Variants in SPN observed in about 807,000 individuals in gnomAD.
SPN encodes the protein leukosialin.
In SPN, 6 loss-of-function variants were observed where a neutral mutation model predicts 8.4. That is an observed-to-expected ratio of 0.72 (90% CI 0.39 to 1.42). The LOEUF is 1.42. SPN is among the 40% of genes most tolerant of loss of function. SPN has a pLI of 0.02. For synonymous variants in SPN, 201 were observed against 222.6 expected (o/e 0.90, Z 0.86); for missense variants, 517 against 530.6 (o/e 0.97, Z 0.25).
rs919676658 is a variant in SPN, at chr16:29,667,171, T to G, written c.*2240T>G. 1.0e-5 allele frequency: 4 copies of G among 383,132 alleles called. No individual in the cohort carries two copies. The highest frequency in any genetic ancestry group is 1.0e-4 in the Admixed American group (3 of 29,034). 23.7% of individuals were successfully genotyped at this position (383,132 alleles called of 1,614,324 possible). ...ACCCACTGGGCTGCATCTGGTGGCC[T>G]TTTCTGATTGCTATTTGGACTCACT... On this transcript the variant is annotated 3_prime_UTR_variant, in exon 2 of 2. Transcript: ENST00000652691.
chr16:29,665,047 C>A lies in SPN; in HGVS notation c.*116C>A. The A allele has an allele frequency of 8.7e-7, 1 of 1,151,062 alleles. No homozygotes were observed. Among genetic ancestry groups the A allele is most frequent in the Non-Finnish European group, 1.1e-6 (1 of 899,492 alleles). 71.3% of individuals were successfully genotyped at this position (1,151,062 alleles called of 1,614,324 possible). A position where few individuals can be genotyped will look rare whatever the true frequency, so the allele number is the denominator to read the frequency against. On this transcript the variant is annotated 3_prime_UTR_variant, in exon 2 of 2. Transcript: ENST00000652691. ...TTTCCACCCGGCACCCTGATCCTCA[C>A]CCGAATCTCCTTTTTTTTTTTCTTT...
chr16:29,664,527 G>T lies in SPN; in HGVS notation c.799G>T (p.Val267Phe), dbSNP rs1348489341. 1 of 1,614,044 alleles carries T rather than the reference G, an allele frequency of 6.2e-7. No homozygotes were observed. The highest frequency in any genetic ancestry group is 8.5e-7 in the Non-Finnish European group (1 of 1,179,988). The change falls in exon 2 of 2, where the codon GTC becomes TTC. Residue 267 changes from valine (V) to phenylalanine (F), a missense_variant. By Grantham distance (50) the Val-to-Phe change is conservative (BLOSUM62 -1). Coordinates refer to ENST00000652691, the MANE Select transcript of SPN (RefSeq NM_003123.6). This position sits in a 1 kb window ranked among gnomAD's most constrained non-coding sequence, Gnocchi z 6.4. ...GGCTGTGCTTGTGGCCCTGCTGGCG[G>T]TCATAGTCCTCGTGGCTCTGCTCCT... ...PVAVLVALLA[V>F]IVLVALLLLW...
chr16:29,664,083 C>G lies in SPN; in HGVS notation c.355C>G (p.Pro119Ala). 1 of 1,614,060 alleles carries G rather than the reference C, an allele frequency of 6.2e-7. No individual in the cohort carries two copies. Among genetic ancestry groups the G allele is most frequent in the Non-Finnish European group, 8.5e-7 (1 of 1,180,004 alleles). ...TCATGCAACCAGTCATCCTGCTGTT[C>G]CCATAACAGCAAACTCTCTAGGATC... Reference protein sequence around the residue: ...TPHATSHPAVPITANSLGSHT... With the variant: ...TPHATSHPAVAITANSLGSHT... The change falls in exon 2 of 2, where the codon CCC becomes GCC. Residue 119 changes from proline to alanine, a missense_variant. By Grantham distance (27) the Pro-to-Ala change is conservative (BLOSUM62 -1). Coordinates refer to ENST00000652691, the MANE Select transcript of SPN (RefSeq NM_003123.6). The surrounding 1 kb of genome is among the most constrained non-coding windows in gnomAD (Gnocchi z 6.4).
chr16:29,666,552 A>ACGCGCGCGCGCGCG lies in SPN; in HGVS notation c.*1625_*1638dup, dbSNP rs1555490176. ...CACACACACACACACACACACACAC[A>ACGCGCGCGCGCGCG]CGCGCGCGCGCGCGCGCTCTCCTGC... On this transcript the variant is annotated 3_prime_UTR_variant, in exon 2 of 2. Transcript: ENST00000652691. The ACGCGCGCGCGCGCG allele has an allele frequency of 8.1e-5, 12 of 148,966 alleles. No individual in the cohort carries two copies. In the East Asian group the frequency reaches 1.6e-3, roughly 20 times the overall value. The allele number at this position is 148,966 out of a possible 1,614,324, so 9.2% of individuals were successfully genotyped here. A position where few individuals can be genotyped will look rare whatever the true frequency, so the allele number is the denominator to read the frequency against.
In SPN at chr16:29,663,645, G is replaced by T; in HGVS notation, c.-34-50G>T. 1 of 1,505,192 alleles carries T rather than the reference G, an allele frequency of 6.6e-7. No individual in the cohort carries two copies. Among genetic ancestry groups the T allele is most frequent in the Non-Finnish European group, 8.8e-7 (1 of 1,132,654 alleles). The allele number at this position is 1,505,192 out of a possible 1,614,324, so 93.2% of individuals were successfully genotyped here. A position where few individuals can be genotyped will look rare whatever the true frequency, so the allele number is the denominator to read the frequency against. ...GTGGGCAGAGGGGAGGCCCGGCCAGGTCCTCCGGCAACTCCCGCGTGTTCT... is the reference window on the plus strand; with the variant it reads ...GTGGGCAGAGGGGAGGCCCGGCCAGTTCCTCCGGCAACTCCCGCGTGTTCT... On this transcript the variant is annotated intron_variant, in intron 1 of 1. Coordinates refer to ENST00000652691, the MANE Select transcript of SPN (RefSeq NM_003123.6). This position sits in a 1 kb window ranked among gnomAD's most constrained non-coding sequence, Gnocchi z 4.3.
Position 29,663,607 on chromosome 16 carries a change from C to T in SPN, c.-34-88C>T, listed in dbSNP as rs11574555. The T allele has an allele frequency of 7.0e-5, 98 of 1,395,264 alleles. No homozygotes were observed. The East Asian group carries it at 8.9e-4, about 13-fold the overall frequency. 86.4% of individuals were successfully genotyped at this position (1,395,264 alleles called of 1,614,324 possible). On this transcript the variant is annotated intron_variant, in intron 1 of 1. Transcript: ENST00000652691. The surrounding 1 kb of genome is among the most constrained non-coding windows in gnomAD (Gnocchi z 4.3). ...CGTTAAACCGCAGGTTGGGCCTGGC[C>T]GTTGGCAGGGAAGTGGGCAGAGGGG...
chr16:29,663,715 C>T lies in SPN; in HGVS notation c.-14C>T. On this transcript the variant is annotated 5_prime_UTR_variant, in exon 2 of 2. Transcript: ENST00000652691. The surrounding 1 kb of genome is among the most constrained non-coding windows in gnomAD (Gnocchi z 4.3). ...TGCAGGTCCCAGCTCTTGCTCCTGC[C>T]TGTTTGCCTGGAAATGGCCACGCTT... 1.3e-6 allele frequency: 2 copies of T among 1,544,176 alleles called. No homozygotes were observed. The highest frequency in any genetic ancestry group is 1.7e-6 in the Non-Finnish European group (2 of 1,148,402).
rs879070450 is a variant in SPN, at chr16:29,667,113, G to A, written c.*2182G>A. On this transcript the variant is annotated 3_prime_UTR_variant, in exon 2 of 2. Transcript: ENST00000652691. Reference sequence around the variant, plus strand: ...TTAGTGGGTGGGAAGAGCTGAGCTCGGATGGAACCAGCTTCTACCAGCCAG... The same window carrying A: ...TTAGTGGGTGGGAAGAGCTGAGCTCAGATGGAACCAGCTTCTACCAGCCAG... 1.3e-4 allele frequency: 59 copies of A among 448,940 alleles called. No homozygotes were observed. Among genetic ancestry groups the A allele is most frequent in the South Asian group, 7.0e-4 (44 of 62,936 alleles). 27.8% of individuals were successfully genotyped at this position (448,940 alleles called of 1,614,324 possible).
In SPN at chr16:29,663,788, C is replaced by A. The variant is rs372353292; in HGVS notation, c.60C>A (p.Ser20Arg). 6.2e-7 allele frequency: 1 copy of A among 1,612,304 alleles called. No individual in the cohort carries two copies. The highest frequency in any genetic ancestry group is 8.5e-7 in the Non-Finnish European group (1 of 1,179,394). ...TGGTAAGCCCAGACGCTCTGGGGAG[C>A]ACAACAGCAGTGCAGACACCCACCT... ...VLVVSPDALG[S>R]TTAVQTPTSG... Residue 20 changes from serine (S) to arginine (R), a missense_variant, in exon 2 of 2, where the codon AGC becomes AGA. Coordinates refer to ENST00000652691, the MANE Select transcript of SPN (RefSeq NM_003123.6). The surrounding 1 kb of genome is among the most constrained non-coding windows in gnomAD (Gnocchi z 4.3).
rs75737897 is a variant in SPN, at chr16:29,664,376, C to T, written c.648C>T (p.Ser216=). ...TMTTGSLEPS[S]GASGPQVSSV... ...CAACTGGCTCTCTGGAGCCCTCCAG[C>T]GGGGCCAGTGGACCCCAGGTCTCTA... is the stretch of plus-strand genomic sequence containing the variant. The change falls in exon 2 of 2, where the codon AGC becomes AGT. Residue 216 remains serine, a synonymous_variant. Transcript: ENST00000652691. This position sits in a 1 kb window ranked among gnomAD's most constrained non-coding sequence, Gnocchi z 6.4. The T allele has an allele frequency of 1.1e-3, 1,720 of 1,613,550 alleles. 13 individuals are homozygous for T. In the African/African-American group the frequency reaches 0.02, roughly 19 times the overall value.
chr16:29,664,649 C>T lies in SPN; in HGVS notation c.921C>T (p.Ala307=). The part of the protein sequence containing the change: ...NGVVDAWAGP[A]QVPEEGAVTV... ...TGGTGGACGCCTGGGCTGGGCCAGCCCAGGTCCCTGAGGAGGGGGCCGTGA... is the reference window on the plus strand; with the variant it reads ...TGGTGGACGCCTGGGCTGGGCCAGCTCAGGTCCCTGAGGAGGGGGCCGTGA... The change falls in exon 2 of 2, where the codon GCC becomes GCT. Residue 307 remains alanine, a synonymous_variant. Coordinates refer to ENST00000652691, the MANE Select transcript of SPN (RefSeq NM_003123.6). The surrounding 1 kb of genome is among the most constrained non-coding windows in gnomAD (Gnocchi z 6.4). 1 of 1,546,244 alleles carries T rather than the reference C, an allele frequency of 6.5e-7. No homozygotes were observed. Among genetic ancestry groups the T allele is most frequent in the Non-Finnish European group, 8.7e-7 (1 of 1,149,356 alleles).
Position 29,665,044 on chromosome 16 carries a change from T to G in SPN, c.*113T>G. The stretch of plus-strand genomic sequence containing the variant: ...ATGTTTCCACCCGGCACCCTGATCC[T>G]CACCCGAATCTCCTTTTTTTTTTTC... On this transcript the variant is annotated 3_prime_UTR_variant, in exon 2 of 2. Transcript: ENST00000652691. 2 of 1,147,176 alleles carry G rather than the reference T, an allele frequency of 1.7e-6. No individual in the cohort carries two copies. Among genetic ancestry groups the G allele is most frequent in the Non-Finnish European group, 2.2e-6 (2 of 897,100 alleles). The allele number at this position is 1,147,176 out of a possible 1,614,324, so 71.1% of individuals were successfully genotyped here.
Position 29,666,686 on chromosome 16 carries a change from C to G in SPN, c.*1755C>G, listed in dbSNP as rs966559387. 1 of 341,720 alleles carries G rather than the reference C, an allele frequency of 2.9e-6. No homozygotes were observed. 21.2% of individuals were successfully genotyped at this position (341,720 alleles called of 1,614,324 possible). The stretch of plus-strand genomic sequence containing the variant: ...AGTTTGTCTGTGTCTCCTCTTCCAT[C>G]CCAGGGGCTGAGCCCCTTCCATCCT... On this transcript the variant is annotated 3_prime_UTR_variant, in exon 2 of 2. Transcript: ENST00000652691.
Position 29,664,179 on chromosome 16 carries a change from G to GT in SPN, c.453dup (p.Thr152TyrfsTer5). 1 of 1,613,898 alleles carries GT rather than the reference G, an allele frequency of 6.2e-7. No homozygotes were observed. Among genetic ancestry groups the GT allele is most frequent in the Non-Finnish European group, 8.5e-7 (1 of 1,179,960 alleles). ...CTCCAGTAGGACCAGTGGAGCCCCT[G>GT]TTACCACGGCAGCTAGCTCTCTGGA... On this transcript the variant is annotated frameshift_variant, in exon 2 of 2. Transcript: ENST00000652691. LOFTEE classifies it high-confidence loss of function. This position sits in a 1 kb window ranked among gnomAD's most constrained non-coding sequence, Gnocchi z 6.4.
rs1966823861 is a variant in SPN at position 29,666,858 on chromosome 16, A to G, written c.*1927A>G. ...CCCAGGAGCACACATGGGCCAGGGC[A>G]GTTGGTATTTCCCGAGGACAAAGAG... On this transcript the variant is annotated 3_prime_UTR_variant, in exon 2 of 2. Transcript: ENST00000652691. The G allele has an allele frequency of 2.1e-6, 1 of 470,298 alleles. No individual in the cohort carries two copies. The highest frequency in any genetic ancestry group is 2.0e-5 in the African/African-American group (1 of 50,094). 29.1% of individuals were successfully genotyped at this position (470,298 alleles called of 1,614,324 possible). A position where few individuals can be genotyped will look rare whatever the true frequency, so the allele number is the denominator to read the frequency against.
rs1402481317 is a variant in SPN, at chr16:29,665,218, C to A, written c.*287C>A. Reference sequence around the variant, plus strand: ...TACAGGCACCCACCACCATGCCCAGCTGCTTTTTTGTATTTTTGGTAGAGA... The same window carrying A: ...TACAGGCACCCACCACCATGCCCAGATGCTTTTTTGTATTTTTGGTAGAGA... On this transcript the variant is annotated 3_prime_UTR_variant, in exon 2 of 2. Transcript: ENST00000652691. 3.1e-6 allele frequency: 1 copy of A among 318,768 alleles called. No homozygotes were observed. The highest frequency in any genetic ancestry group is 2.1e-5 in the African/African-American group (1 of 46,750). The allele number at this position is 318,768 out of a possible 1,614,324, so 19.7% of individuals were successfully genotyped here.
chr16:29,663,602 CTGGCCGTTGGCAGGGAAG>C lies in SPN; in HGVS notation c.-34-89_-34-72del. On this transcript the variant is annotated intron_variant, in intron 1 of 1. Coordinates refer to ENST00000652691, the MANE Select transcript of SPN (RefSeq NM_003123.6). This position sits in a 1 kb window ranked among gnomAD's most constrained non-coding sequence, Gnocchi z 4.3. ...AAAACCGTTAAACCGCAGGTTGGGC[CTGGCCGTTGGCAGGGAAG>C]TGGGCAGAGGGGAGGCCCGGCCAGG... The C allele has an allele frequency of 7.3e-7, 1 of 1,366,752 alleles. No homozygotes were observed. The highest frequency in any genetic ancestry group is 2.4e-5 in the East Asian group (1 of 42,384). 84.7% of individuals were successfully genotyped at this position (1,366,752 alleles called of 1,614,324 possible).
Position 29,669,372 on chromosome 16 carries a change from T to C in SPN, c.*4441T>C, listed in dbSNP as rs1461873194. The C allele has an allele frequency of 6.1e-6, 1 of 164,560 alleles. No individual in the cohort carries two copies. The highest frequency in any genetic ancestry group is 1.5e-5 in the Non-Finnish European group (1 of 67,908). 10.2% of individuals were successfully genotyped at this position (164,560 alleles called of 1,614,324 possible). A position where few individuals can be genotyped will look rare whatever the true frequency, so the allele number is the denominator to read the frequency against. ...ATGCACCACCAAACCCGGATAATTTTGTATTTTTAGTAGAGATGGGGTTTC... is the reference window on the plus strand; with the variant it reads ...ATGCACCACCAAACCCGGATAATTTCGTATTTTTAGTAGAGATGGGGTTTC... On this transcript the variant is annotated 3_prime_UTR_variant, in exon 2 of 2. Transcript: ENST00000652691.
chr16:29,664,279 G>A lies in SPN; in HGVS notation c.551G>A (p.Gly184Glu), dbSNP rs758538019. Residue 184 changes from glycine (G) to glutamate (E), a missense_variant, in exon 2 of 2, where the codon GGA becomes GAA. By Grantham distance (98) the Gly-to-Glu change is moderately conservative. Coordinates refer to ENST00000652691, the MANE Select transcript of SPN (RefSeq NM_003123.6). This position sits in a 1 kb window ranked among gnomAD's most constrained non-coding sequence, Gnocchi z 6.4. The stretch of plus-strand genomic sequence containing the variant: ...CTGGAGACTTCCAAAGGCACCTCTG[G>A]ACCCCCTGTTACCATGGCAACTGAC... ...VSLETSKGTS[G>E]PPVTMATDSL... is the part of the protein sequence containing the mutation. 40 of 1,613,722 alleles carry A rather than the reference G, an allele frequency of 2.5e-5. No individual in the cohort carries two copies. The highest frequency in any genetic ancestry group is 3.1e-5 in the Non-Finnish European group (37 of 1,179,934).
Sources: gnomAD v4.1 joint callset for allele counts on GRCh38, gnomAD v4.1.1 for gene constraint, Gnocchi (gnomAD v3.1) non-coding constraint, MANE v1.5 for transcripts, NCBI Gene and HGNC (gene_info 2026-07-23, HGNC 2026-07-21) for gene names.